The following ILRUN variants were observed in gnomAD, a reference collection of about 807,000 sequenced individuals.
The protein encoded by ILRUN is protein ILRUN.
In ILRUN, 3 loss-of-function variants were observed where a neutral mutation model predicts 33.8. The ratio of observed to expected loss-of-function variants is 0.09; its 90% confidence interval spans 0.04 to 0.23. The LOEUF (loss-of-function observed/expected upper bound fraction) is 0.23. ILRUN is among the 10% of genes least tolerant of loss of function. The pLI, the probability that ILRUN is intolerant of heterozygous loss-of-function variation, is 1.00. For missense variants in ILRUN, 210 were observed against 375.1 expected (o/e 0.56, Z 3.64); for synonymous variants, 124 against 138.9 (o/e 0.89, Z 0.75).
intron 3 of ILRUN, among the ~76,000 whole-genome samples, chr6:34,632,250 G>A (rs537842260): frequency 6.6e-6 from 1 of 152,208 alleles, no homozygotes; most frequent in South Asian, 2.1e-4. Flanking sequence ...AGACCAGCCT[G>A]GCCAACATGG....
intron 1 of ILRUN, among the ~76,000 whole-genome samples, chr6:34,663,860 T>TA (rs1444402439): frequency 6.6e-6 from 1 of 152,202 alleles, no homozygotes; most frequent in Non-Finnish European, 1.5e-5. Context: ...AAAGAGGAAT[T>TA]AAGGGTGTTA....
At chr6:34,678,792 T>A (rs1763292982) in intron 1 of ILRUN, among the ~76,000 whole-genome samples, 2 of 139,826 alleles carry the variant, frequency 1.4e-5, no homozygotes, top group African/African-American at 5.6e-5. Flanking sequence ...GAGGCAGAGC[T>A]TGCAGTGAGC....
chr6:34,599,901 T>C (rs1213313551), intron 4 of ILRUN, among the ~76,000 whole-genome samples: 3 of 152,326 alleles, frequency 2.0e-5, no homozygotes, highest in Non-Finnish European at 2.9e-5. Flanking sequence ...AATCCTGGTG[T>C]TATCCTTTCT....
intron 1 of ILRUN, among the ~76,000 whole-genome samples, chr6:34,667,868 T>C (rs1164291877): frequency 6.6e-6 from 1 of 152,076 alleles, no homozygotes; most frequent in East Asian, 1.9e-4. Context: ...AGAGACATGA[T>C]AACCAAAGAT....
chr6:34,654,715 T>C lies in ILRUN; in HGVS notation c.223A>G (p.Met75Val), dbSNP rs1392140486. The C allele has an allele frequency of 1.2e-6, 2 of 1,613,976 alleles. No homozygotes were observed. Among genetic ancestry groups the C allele is most frequent in the East Asian group, 2.2e-5 (1 of 44,884 alleles). The change falls in exon 2 of 5, where the codon ATG becomes GTG. Residue 75 changes from methionine to valine, a missense_variant. Around this residue, in one of 4 missense-constraint regions of ILRUN, gnomAD observed 61 missense variants for 94.4 expected, o/e 0.65. Transcript: ENST00000374023. The stretch of plus-strand genomic sequence containing the variant: ...ATGGTGACATCTTCAACAAAGGACA[T>C]AGAGGGCACACTGATGTTTGGGCTC... ...FESPNISVPS[M>V]SFVEDVTIGE...
chr6:34,660,514 A>C (rs1374748856), intron 1 of ILRUN, among the ~76,000 whole-genome samples: 2 of 152,216 alleles, frequency 1.3e-5, no homozygotes, highest in Non-Finnish European at 2.9e-5. Flanking sequence ...CCATGTTATC[A>C]GGCATGAACA....
chr6:34,613,163 G>A (rs1277631037), intron 3 of ILRUN, among the ~76,000 whole-genome samples: 2 of 152,120 alleles, frequency 1.3e-5, no homozygotes, highest in Non-Finnish European at 2.9e-5. Context: ...GCAGTGAGCC[G>A]AGATCGCATC....
intron 3 of ILRUN, among the ~76,000 whole-genome samples, chr6:34,610,416 T>G (rs1487165556): frequency 6.6e-6 from 1 of 152,182 alleles, no homozygotes; most frequent in Non-Finnish European, 1.5e-5. Flanking sequence ...TGCTCTCCTA[T>G]CCTAGCTTTC....
intron 4 of ILRUN, among the ~76,000 whole-genome samples, chr6:34,590,971 T>G (rs915228361): frequency 6.6e-6 from 1 of 152,218 alleles, no homozygotes; most frequent in African/African-American, 2.4e-5. Flanking sequence ...TATGCCATTC[T>G]ATGCACCTTA....
intron 1 of ILRUN, among the ~76,000 whole-genome samples, chr6:34,667,592 A>G (rs1365113122): frequency 6.6e-6 from 1 of 152,206 alleles, no homozygotes; most frequent in Non-Finnish European, 1.5e-5. Flanking sequence ...CTTATTAACT[A>G]TAAAGGAGAA....
At chr6:34,687,319 G>A (rs1414241442) in intron 1 of ILRUN, among the ~76,000 whole-genome samples, 2 of 152,028 alleles carry the variant, frequency 1.3e-5, no homozygotes, top group African/African-American at 4.8e-5. Flanking sequence ...AAATATGTTC[G>A]TATAATTAGT....
At chr6:34,659,783 G>A (rs755677842) in intron 1 of ILRUN, among the ~76,000 whole-genome samples, 6 of 151,532 alleles carry the variant, frequency 4.0e-5, no homozygotes, top group African/African-American at 1.2e-4. Flanking sequence ...CACCACGCTC[G>A]GCTAATTTTG....
chr6:34,649,416 C>A (rs1251134472), intron 2 of ILRUN, among the ~76,000 whole-genome samples: 1 of 152,104 alleles, frequency 6.6e-6, no homozygotes, highest in Admixed American at 6.6e-5. Flanking sequence ...GGATAGATTT[C>A]TATCTAGAAG....
In ILRUN at chr6:34,614,503, T is replaced by TTA. The variant is rs57837585; in HGVS notation, c.512-7601_512-7600dup. Among the ~76,000 whole-genome samples the TTA allele has an allele frequency of 6.1e-3, 870 of 141,768 alleles. 3 individuals carry two copies. The highest frequency in any genetic ancestry group is 0.015 in the African/African-American group (549 of 37,760). The allele number at this position is 141,768 out of a possible 152,430, so 93.0% of individuals were successfully genotyped here. ...TATATATTATTATATATATTATATT[T>TTA]TATATATATATATATATTCATGGAT... On this transcript the variant is annotated intron_variant, in intron 3 of 4. Transcript: ENST00000374023.
intron 4 of ILRUN, among the ~76,000 whole-genome samples, chr6:34,605,951 T>G (rs921598720): frequency 5.3e-5 from 8 of 152,142 alleles, no homozygotes; most frequent in Non-Finnish European, 8.8e-5. Context: ...GGCACCATCA[T>G]CACCTTAGCA....
intron 1 of ILRUN, among the ~76,000 whole-genome samples, chr6:34,691,048 C>A (rs543350912): frequency 6.6e-6 from 1 of 151,948 alleles, no homozygotes; most frequent in African/African-American, 2.4e-5. Flanking sequence ...CCAGGCCTGG[C>A]TAATTTTTTT....
At chr6:34,627,893 A>G (rs904656021) in intron 3 of ILRUN, among the ~76,000 whole-genome samples, 1 of 151,848 alleles carries the variant, frequency 6.6e-6, no homozygotes, top group African/African-American at 2.4e-5. Flanking sequence ...TAGTAGAGAC[A>G]GGGTTTCGCC....
intron 2 of ILRUN, among the ~76,000 whole-genome samples, chr6:34,651,853 C>T (rs1296431935): frequency 2.1e-5 from 3 of 141,300 alleles, no homozygotes; most frequent in Non-Finnish European, 3.0e-5. Context: ...AGTGCAGCGG[C>T]GCGATCTTGG....
intron 1 of ILRUN, among the ~76,000 whole-genome samples, chr6:34,673,503 TGAGA>T (rs890283999): frequency 2.0e-5 from 3 of 152,240 alleles, no homozygotes; most frequent in Middle Eastern, 3.4e-3. Flanking sequence ...AATATTGTGC[TGAGA>T]AAGAAAAGTA....
Sources: gnomAD v4.1 joint callset for allele counts (sites outside exome capture counted in the v4.1 genomes callset) on GRCh38, gnomAD v4.1.1 for gene constraint, gnomAD v4.1.1 regional missense constraint, MANE v1.5 for transcripts, NCBI Gene and HGNC (gene_info 2026-07-23, HGNC 2026-07-21) for gene names.